Variants in ACTR3 observed in about 807,000 individuals in gnomAD.
The protein encoded by ACTR3 is actin related protein 3.
ACTR3 carries 12 observed loss-of-function variants against 56.8 expected under a neutral mutation model. The observed-to-expected ratio is 0.21, with a 90% CI of 0.14 to 0.34. The LOEUF is 0.34. Among genes scored for constraint, ACTR3 ranks in the 10% least tolerant of loss-of-function variants. ACTR3 has a pLI of 1.00. For synonymous variants in ACTR3, 162 were observed against 167.4 expected (o/e 0.97, Z 0.25); for missense variants, 282 against 512.5 (o/e 0.55, Z 4.34).
At chr2:113,922,422 T>C (rs770897491) in intron 3 of ACTR3, among the ~76,000 whole-genome samples, 5 of 152,234 alleles carry the variant, frequency 3.3e-5, no homozygotes, top group African/African-American at 4.8e-5. Context: ...GAATCCATTT[T>C]ACAGATTTGA....
At chr2:113,908,886 T>A (rs879368914) in intron 1 of ACTR3, among the ~76,000 whole-genome samples, 5 of 151,796 alleles carry the variant, frequency 3.3e-5, no homozygotes, top group Non-Finnish European at 7.4e-5. Flanking sequence ...CTGTACCACA[T>A]TTTTTTTGAG....
chr2:113,939,093 G>A (rs1403245450), intron 6 of ACTR3, among the ~76,000 whole-genome samples: 1 of 150,712 alleles, frequency 6.6e-6, no homozygotes. Flanking sequence ...GTGCGATCTC[G>A]ACTCACTGCA....
Position 113,951,625 on chromosome 2 carries a change from C to T in ACTR3, c.951+54C>T, listed in dbSNP as rs925360682. The T allele has an allele frequency of 9.1e-6, 14 of 1,535,420 alleles. No individual in the cohort carries two copies. In the African/African-American group the frequency reaches 1.2e-4, roughly 14 times the overall value. On this transcript the variant is annotated intron_variant, in intron 9 of 11. Transcript: ENST00000263238. ...TCTTACTTTAAAAAAACTTAAACAC[C>T]TCTCATAAAAAGGATATAATAGCAT...
In ACTR3 at chr2:113,961,152, T is replaced by C. The variant is rs1680318040; in HGVS notation, c.*3697T>C. The C allele has an allele frequency of 6.6e-6, 1 of 152,024 alleles. No homozygotes were observed. The highest frequency in any genetic ancestry group is 2.4e-5 in the African/African-American group (1 of 41,448). The allele number at this position is 152,024 out of a possible 1,614,324, so 9.4% of individuals were successfully genotyped here. On this transcript the variant is annotated 3_prime_UTR_variant, in exon 12 of 12. Transcript: ENST00000263238. Reference sequence around the variant, plus strand: ...AGTACTGTATAAATGTTTATCCTTTTCCACGTAATTTGTTTTCTATGATAT... The same window carrying C: ...AGTACTGTATAAATGTTTATCCTTTCCCACGTAATTTGTTTTCTATGATAT...
chr2:113,951,884 C>G (rs372226534), intron 10 of ACTR3, 39 bp downstream of exon 10: 1 of 1,606,158 alleles, frequency 6.2e-7, no homozygotes, highest in Non-Finnish European at 8.5e-7. Flanking sequence ...GTTGAGGGTG[C>G]CTTCCTTGAT....
chr2:113,908,139 ATT>A (rs1365748727), intron 1 of ACTR3, among the ~76,000 whole-genome samples: 2 of 152,022 alleles, frequency 1.3e-5, no homozygotes, highest in Non-Finnish European at 2.9e-5. Context: ...TTACAAAAAT[ATT>A]TGAACTTTGT....
At chr2:113,905,827 G>A (rs570247406) in intron 1 of ACTR3, among the ~76,000 whole-genome samples, 20 of 141,678 alleles carry the variant, frequency 1.4e-4, no homozygotes, top group African/African-American at 4.8e-4. Context: ...CATGTATCAT[G>A]TGTTTCCTTT....
chr2:113,944,019 T>C (rs1213285422), intron 8 of ACTR3, among the ~76,000 whole-genome samples: 1 of 152,106 alleles, frequency 6.6e-6, no homozygotes, highest in South Asian at 2.1e-4. Context: ...TAAAGGATTA[T>C]GGTCATAAAA....
rs151008176 is a variant in ACTR3, at chr2:113,925,485, C to T, written c.226-1860C>T. On this transcript the variant is annotated intron_variant, in intron 3 of 11. Transcript: ENST00000263238. The stretch of plus-strand genomic sequence containing the variant: ...TGCTGGGATTACAGGCATGAGCCAC[C>T]ACGCCCAGTCGGAACTTTATTTTTT... Among the ~76,000 whole-genome samples, 261 of 152,316 alleles carry T rather than the reference C, an allele frequency of 1.7e-3. 10 individuals carry two copies. The East Asian group carries it at 0.046, about 27-fold the overall frequency.
intron 1 of ACTR3, among the ~76,000 whole-genome samples, chr2:113,892,512 C>A (rs370607873): frequency 1.9e-4 from 29 of 152,256 alleles, no homozygotes; most frequent in African/African-American, 6.7e-4. Context: ...TTTGGTCTTA[C>A]AAGTTTCCAG....
rs763742409 is a variant in ACTR3 at position 113,957,368 on chromosome 2, C to T, written c.1170C>T (p.Phe390=). The T allele has an allele frequency of 6.2e-7, 1 of 1,612,742 alleles. No homozygotes were observed. Among genetic ancestry groups the T allele is most frequent in the Non-Finnish European group, 8.5e-7 (1 of 1,179,124 alleles). Residue 390 remains phenylalanine (F), a synonymous_variant, in exon 12 of 12, where the codon TTC becomes TTT. Transcript: ENST00000263238. ...GGSMLASTPE[F]YQVCHTKKDY... is the part of the protein sequence containing the mutation. ...ATATTTTTTGTTTTCAGCCTGAGTT[C>T]TACCAAGTATGCCACACCAAAAAGG...
intron 8 of ACTR3, among the ~76,000 whole-genome samples, chr2:113,943,835 T>C (rs1419525842): frequency 6.6e-6 from 1 of 152,186 alleles, no homozygotes; most frequent in Admixed American, 6.5e-5. Flanking sequence ...AACAAACACT[T>C]GGGTGTTGTA....
chr2:113,890,341 CGGGGGT>C lies in ACTR3; in HGVS notation c.44+23_44+28del. The C allele has an allele frequency of 6.5e-6, 1 of 152,990 alleles. No individual in the cohort carries two copies. Among genetic ancestry groups the C allele is most frequent in the Non-Finnish European group, 1.1e-5 (1 of 88,458 alleles). The allele number at this position is 152,990 out of a possible 1,614,324, so 9.5% of individuals were successfully genotyped here. On this transcript the variant is annotated intron_variant, in intron 1 of 11. Transcript: ENST00000263238. Reference sequence around the variant, plus strand: ...GGCACGGGGTAAGGGGGCTTACGGGCGGGGGTGGGGAAACTGAGGCGGAGGAAGGAA... The same window carrying C: ...GGCACGGGGTAAGGGGGCTTACGGGCGGGGAAACTGAGGCGGAGGAAGGAA...
At chr2:113,926,029 TTAG>T (rs1679614029) in intron 3 of ACTR3, among the ~76,000 whole-genome samples, 1 of 152,184 alleles carries the variant, frequency 6.6e-6, no homozygotes, top group Non-Finnish European at 1.5e-5. Flanking sequence ...TCCAGGCAAC[TTAG>T]TAGCCACTTG....
rs1349518006 is a variant in ACTR3, at chr2:113,960,191, TTATC to T, written c.*2739_*2742del. On this transcript the variant is annotated 3_prime_UTR_variant, in exon 12 of 12. Transcript: ENST00000263238. ...AATGGACAAATAAAATCAATGATCA[TTATC>T]TAACTTGATGCCTGCTTTTCAAAAA... 3 of 152,008 alleles carry T rather than the reference TTATC, an allele frequency of 2.0e-5. No individual in the cohort carries two copies. Among genetic ancestry groups the T allele is most frequent in the African/African-American group, 7.2e-5 (3 of 41,442 alleles). 9.4% of individuals were successfully genotyped at this position (152,008 alleles called of 1,614,324 possible). A position where few individuals can be genotyped will look rare whatever the true frequency, so the allele number is the denominator to read the frequency against.
chr2:113,902,058 C>A (rs1185823596), intron 1 of ACTR3, among the ~76,000 whole-genome samples: 2 of 152,228 alleles, frequency 1.3e-5, no homozygotes, highest in South Asian at 4.1e-4. Context: ...AGAATTATGA[C>A]CCGTGAACAT....
At chr2:113,917,121 T>G in intron 3 of ACTR3, 113 bp downstream of exon 3, 1 of 909,422 alleles carries the variant, frequency 1.1e-6, no homozygotes, top group East Asian at 3.3e-5. Flanking sequence ...AAACCTCTTC[T>G]CAGTAGAAAT....
intron 1 of ACTR3, among the ~76,000 whole-genome samples, chr2:113,909,504 G>A (rs1679262326): frequency 6.6e-6 from 1 of 152,094 alleles, no homozygotes; most frequent in African/African-American, 2.4e-5. Flanking sequence ...AATATGTGTG[G>A]CTTATGGTTG....
intron 1 of ACTR3, among the ~76,000 whole-genome samples, chr2:113,910,467 G>C (rs1679287347): frequency 6.6e-6 from 1 of 152,122 alleles, no homozygotes; most frequent in South Asian, 2.1e-4. Context: ...ACTCAAGGAG[G>C]GAGTATGGGA....
Sources: gnomAD v4.1 joint callset for allele counts (sites outside exome capture counted in the v4.1 genomes callset) on GRCh38, gnomAD v4.1.1 for gene constraint, MANE v1.5 for transcripts, NCBI Gene and HGNC (gene_info 2026-07-23, HGNC 2026-07-21) for gene names.